Variants in UNC5D observed in about 807,000 individuals in gnomAD.
The protein encoded by UNC5D is unc-5 netrin receptor D.
UNC5D carries 39 observed loss-of-function variants against 105.4 expected under a neutral mutation model. The observed-to-expected ratio is 0.37, with a 90% CI of 0.29 to 0.48. The LOEUF (loss-of-function observed/expected upper bound fraction) is 0.48. UNC5D is among the 20% of genes least tolerant of loss of function. UNC5D has a pLI of 0.98. For missense variants in UNC5D, 991 were observed against 1,202.4 expected, an observed-to-expected ratio of 0.82 and a Z score of 2.60; for synonymous variants, 452 against 450.4, an observed-to-expected ratio of 1.00 and a Z score of -0.04.
chr8:35,273,220 G>C (rs1457209083), intron 1 of UNC5D, among the ~76,000 whole-genome samples: 3 of 152,152 alleles, frequency 2.0e-5, no homozygotes, highest in African/African-American at 7.2e-5. Flanking sequence ...GGAGTCCCCA[G>C]ACACAACACC....
At chr8:35,255,972 T>C (rs1170653251) in intron 1 of UNC5D, 1 of 152,218 alleles carries the variant, frequency 6.6e-6, no homozygotes. Context: ...ACTTCAATTT[T>C]ATATGAAGGT....
At chr8:35,489,470 T>A (rs1021480507) in intron 1 of UNC5D, among the ~76,000 whole-genome samples, 1 of 152,212 alleles carries the variant, frequency 6.6e-6, no homozygotes, top group African/African-American at 2.4e-5. Flanking sequence ...TAATCTCTCC[T>A]TAATCTAATC....
In UNC5D at chr8:35,795,188, C is replaced by G. The variant is rs1258980133; in HGVS notation, c.*4625C>G. ...TTGAGTTCAGCAGGGCCCCATCTTA[C>G]TTATTTTTCAAAAAAGTTATAGCTT... On this transcript the variant is annotated 3_prime_UTR_variant, in exon 17 of 17. Coordinates refer to ENST00000404895, the MANE Select transcript of UNC5D (RefSeq NM_080872.4). 1 of 152,050 alleles carries G rather than the reference C, an allele frequency of 6.6e-6. No individual in the cohort carries two copies. The highest frequency in any genetic ancestry group is 1.9e-4 in the East Asian group (1 of 5,186). The allele number at this position is 152,050 out of a possible 1,614,324, so 9.4% of individuals were successfully genotyped here.
intron 13 of UNC5D, among the ~76,000 whole-genome samples, chr8:35,757,112 A>G (rs1456803427): frequency 6.6e-6 from 1 of 152,146 alleles, no homozygotes; most frequent in Non-Finnish European, 1.5e-5. Context: ...TGAAGTCTAA[A>G]GAAAATAATT....
At chr8:35,434,355 C>A (rs1188907475) in intron 1 of UNC5D, among the ~76,000 whole-genome samples, 3 of 152,040 alleles carry the variant, frequency 2.0e-5, no homozygotes, top group Non-Finnish European at 2.9e-5. Flanking sequence ...TCTTAGAGTT[C>A]CTCCAAAGTG....
chr8:35,372,952 C>A (rs1435896706), intron 1 of UNC5D, among the ~76,000 whole-genome samples: 1 of 152,162 alleles, frequency 6.6e-6, no homozygotes, highest in Non-Finnish European at 1.5e-5. Context: ...AGCAAATGGT[C>A]TCTTTGCCCA....
intron 8 of UNC5D, among the ~76,000 whole-genome samples, chr8:35,716,947 G>A (rs1053688692): frequency 6.6e-6 from 1 of 152,198 alleles, no homozygotes; most frequent in Non-Finnish European, 1.5e-5. Flanking sequence ...AGGGCACTTT[G>A]TATCAACACC....
chr8:35,726,469 G>A lies in UNC5D; in HGVS notation c.1621G>A (p.Glu541Lys). 6.2e-7 allele frequency: 1 copy of A among 1,614,112 alleles called. No individual in the cohort carries two copies. Among genetic ancestry groups the A allele is most frequent in the Non-Finnish European group, 8.5e-7 (1 of 1,180,026 alleles). Residue 541 changes from glutamate to lysine, a missense_variant, in exon 10 of 17, where the codon GAA becomes AAA. Glu to Lys is a moderately conservative substitution (Grantham distance 56, BLOSUM62 1). Transcript: ENST00000404895. Reference sequence around the variant, plus strand: ...TCTGTCATCACTCCCCACAAGGACAGAACTGAGGACAACTGGTGTCTTTGG... The same window carrying A: ...TCTGTCATCACTCCCCACAAGGACAAAACTGAGGACAACTGGTGTCTTTGG... ...QNLSSLPTRTELRTTGVFGHL... is the reference protein window; with the variant it reads ...QNLSSLPTRTKLRTTGVFGHL...
chr8:35,755,022 A>C (rs1830452730), intron 13 of UNC5D, among the ~76,000 whole-genome samples: 2 of 152,164 alleles, frequency 1.3e-5, no homozygotes. Flanking sequence ...TTTTTGTAAT[A>C]ATTAGGGCTG....
intron 1 of UNC5D, among the ~76,000 whole-genome samples, chr8:35,510,328 A>T (rs962819755): frequency 6.6e-6 from 1 of 152,090 alleles, no homozygotes; most frequent in East Asian, 1.9e-4. Context: ...AAAAAAAAAA[A>T]AAAACACTTT....
intron 1 of UNC5D, among the ~76,000 whole-genome samples, chr8:35,332,161 C>G (rs1247200962): frequency 6.6e-6 from 1 of 152,164 alleles, no homozygotes; most frequent in Admixed American, 6.5e-5. Context: ...CATAAACATG[C>G]TAAAATCAGG....
chr8:35,594,087 G>A (rs1322040963), intron 3 of UNC5D, among the ~76,000 whole-genome samples: 1 of 152,174 alleles, frequency 6.6e-6, no homozygotes, highest in Non-Finnish European at 1.5e-5. Flanking sequence ...ATAGAGGGAA[G>A]CTGGCTTTAA....
At chr8:35,287,953 C>T (rs1806735086) in intron 1 of UNC5D, among the ~76,000 whole-genome samples, 1 of 151,956 alleles carries the variant, frequency 6.6e-6, no homozygotes, top group South Asian at 2.1e-4. Context: ...TGAAGAAGGC[C>T]TATGAAAATT....
At chr8:35,312,137 G>T (rs185592177) in intron 1 of UNC5D, among the ~76,000 whole-genome samples, 36 of 152,282 alleles carry the variant, frequency 2.4e-4, no homozygotes, top group African/African-American at 7.5e-4. Flanking sequence ...TTAATTGAAT[G>T]CTGTCACAGC....
At chr8:35,311,733 T>C (rs1248888062) in intron 1 of UNC5D, among the ~76,000 whole-genome samples, 1 of 151,996 alleles carries the variant, frequency 6.6e-6, no homozygotes, top group Non-Finnish European at 1.5e-5. Context: ...GCAAGGGAAG[T>C]AGTTTGATGA....
chr8:35,301,649 C>T (rs1807967334), intron 1 of UNC5D, among the ~76,000 whole-genome samples: 1 of 152,128 alleles, frequency 6.6e-6, no homozygotes, highest in South Asian at 2.1e-4. Flanking sequence ...GTTACAAAAA[C>T]TATACTACCA....
rs754292124 is a variant in UNC5D, at chr8:35,310,879, TG to T, written c.103+74996del. ...GTTAGGGGTTCAATATATGAATACC[TG>T]GGGAACACAGTTGGGTCCATATGAT... On this transcript the variant is annotated intron_variant, in intron 1 of 16. Coordinates refer to ENST00000404895, the MANE Select transcript of UNC5D (RefSeq NM_080872.4). Among the ~76,000 whole-genome samples the T allele has an allele frequency of 3.3e-5, 5 of 152,284 alleles. No individual in the cohort carries two copies. The East Asian group carries it at 9.7e-4, about 29-fold the overall frequency.
intron 1 of UNC5D, among the ~76,000 whole-genome samples, chr8:35,446,553 G>A (rs1807807931): frequency 6.6e-6 from 1 of 151,828 alleles, no homozygotes; most frequent in Non-Finnish European, 1.5e-5. Context: ...CTTTAAAAAA[G>A]CCTAGCAAAA....
At chr8:35,705,037 C>T (rs1827469731) in intron 7 of UNC5D, among the ~76,000 whole-genome samples, 1 of 147,894 alleles carries the variant, frequency 6.8e-6, no homozygotes, top group Admixed American at 6.9e-5. Flanking sequence ...GATCTTGGCT[C>T]ACTGCAGGCT....
Sources: allele counts gnomAD v4.1 joint callset (sites outside exome capture counted in the v4.1 genomes callset), GRCh38; gene constraint gnomAD v4.1.1; transcripts MANE v1.5; gene names NCBI Gene and HGNC (gene_info 2026-07-23, HGNC 2026-07-21).